SEC63: variants seen among roughly 807,000 people sequenced by gnomAD.
SEC63 encodes the protein translocation protein SEC63 homolog.
A neutral mutation model predicts 116.2 loss-of-function variants in SEC63; 56 were observed. The observed-to-expected ratio is 0.48, with a 90% CI of 0.39 to 0.60. The LOEUF (loss-of-function observed/expected upper bound fraction) is 0.60. SEC63 is among the 20% of genes least tolerant of loss of function. The pLI is 0.00. For missense variants in SEC63, 668 were observed against 900.0 expected (o/e 0.74, Z 3.30); for synonymous variants, 273 against 294.6 (o/e 0.93, Z 0.75).
At chr6:107,907,909 G>A (rs1418839193) in intron 8 of SEC63, among the ~76,000 whole-genome samples, 1 of 152,148 alleles carries the variant, frequency 6.6e-6, no homozygotes, top group African/African-American at 2.4e-5. Flanking sequence ...AAAAGAAACA[G>A]AAATCAAAAT....
intron 4 of SEC63, among the ~76,000 whole-genome samples, chr6:107,917,267 T>C (rs943454035): frequency 5.3e-5 from 8 of 152,246 alleles, no homozygotes; most frequent in Non-Finnish European, 1.0e-4. Flanking sequence ...GAAACAATGC[T>C]AATGACTGGT....
intron 12 of SEC63, among the ~76,000 whole-genome samples, chr6:107,902,413 GATTC>G (rs1221115687): frequency 1.3e-5 from 2 of 151,896 alleles, no homozygotes; most frequent in African/African-American, 4.8e-5. Context: ...TATATCTTAA[GATTC>G]ATTATCATGT....
chr6:107,951,755 A>G (rs2206191), intron 1 of SEC63, among the ~76,000 whole-genome samples: 148,361 of 151,884 alleles, frequency 0.98, 72,500 homozygotes, highest in African/African-American at 0.99. Context: ...AGGCTGAGGC[A>G]GGCGGATCAT....
Position 107,876,666 on chromosome 6 carries a change from G to GAAAAAAAAAAAAAAA in SEC63, c.1936-5_1936-4insTTTTTTTTTTTTTTT. 1 of 552,642 alleles carries GAAAAAAAAAAAAAAA rather than the reference G, an allele frequency of 1.8e-6. No individual in the cohort carries two copies. The highest frequency in any genetic ancestry group is 2.4e-6 in the Non-Finnish European group (1 of 413,440). 34.2% of individuals were successfully genotyped at this position (552,642 alleles called of 1,614,324 possible). ...GCCACCACCATTCTTGTTTTTCCTG[G>GAAAAAAAAAAAAAAA]AAACAAAAAAAAAAAAAAAAAAAGA... On this transcript the variant is annotated splice_region_variant and splice_polypyrimidine_tract_variant and intron_variant, in intron 18 of 20. Transcript: ENST00000369002.
chr6:107,951,845 C>A (rs910380524), intron 1 of SEC63, among the ~76,000 whole-genome samples: 1 of 151,888 alleles, frequency 6.6e-6, no homozygotes, highest in African/African-American at 2.4e-5. Context: ...TGGTGGTGGG[C>A]GCCTGTGGTC....
intron 1 of SEC63, among the ~76,000 whole-genome samples, chr6:107,952,574 A>G (rs1231829095): frequency 6.6e-6 from 1 of 152,048 alleles, no homozygotes; most frequent in Non-Finnish European, 1.5e-5. Flanking sequence ...CCTGGCCAAC[A>G]TGGTGAAACT....
At chr6:107,900,510 T>A (rs1447584043) in intron 13 of SEC63, among the ~76,000 whole-genome samples, 1 of 152,016 alleles carries the variant, frequency 6.6e-6, no homozygotes, top group East Asian at 1.9e-4. Flanking sequence ...TAGCCAGGTA[T>A]GGTAGTGTGC....
intron 13 of SEC63, among the ~76,000 whole-genome samples, chr6:107,898,718 A>G (rs1786924294): frequency 6.6e-6 from 1 of 152,204 alleles, no homozygotes; most frequent in Admixed American, 6.5e-5. Flanking sequence ...ATAAATAAAA[A>G]TAAAATAACT....
chr6:107,919,991 AT>A (rs774066267), intron 4 of SEC63, among the ~76,000 whole-genome samples: 4 of 152,168 alleles, frequency 2.6e-5, no homozygotes, highest in Admixed American at 1.3e-4. Context: ...AGTAACCACT[AT>A]CCTGATCAGT....
At chr6:107,877,330 T>C (rs1786303811) in intron 18 of SEC63, 1 of 152,212 alleles carries the variant, frequency 6.6e-6, no homozygotes, top group African/African-American at 2.4e-5. Context: ...TAGGATGTTC[T>C]AAATATTTAT....
At chr6:107,920,091 T>C (rs1330773830) in intron 4 of SEC63, among the ~76,000 whole-genome samples, 3 of 152,068 alleles carry the variant, frequency 2.0e-5, no homozygotes, top group East Asian at 3.9e-4. Context: ...TTTTTAGCCA[T>C]ACAGTATTTT....
intron 1 of SEC63, among the ~76,000 whole-genome samples, chr6:107,952,188 G>C (rs967451553): frequency 1.3e-5 from 2 of 152,108 alleles, no homozygotes; most frequent in Admixed American, 1.3e-4. Context: ...AGTACGCTTA[G>C]CTAAACATGT....
In SEC63 at chr6:107,911,174, C is replaced by T. The variant is rs779705046; in HGVS notation, c.624+172G>A. The T allele has an allele frequency of 5.7e-5, 36 of 627,100 alleles. 1 individual carries two copies. Among genetic ancestry groups the T allele is most frequent in the South Asian group, 2.7e-4 (14 of 51,932 alleles). 38.8% of individuals were successfully genotyped at this position (627,100 alleles called of 1,614,324 possible). On this transcript the variant is annotated intron_variant, in intron 7 of 20. Coordinates refer to ENST00000369002, the MANE Select transcript of SEC63 (RefSeq NM_007214.5). ...AGGTGGGGTCATGGCTCACCGCAAC[C>T]TCAAACACCTAGGCTCAAGCGATCC...
intron 10 of SEC63, 108 bp downstream of exon 10, chr6:107,906,340 G>A (rs898885098): frequency 1.7e-6 from 2 of 1,176,112 alleles, no homozygotes; most frequent in African/African-American, 3.0e-5. Context: ...CCAGCCTCAG[G>A]TATTTCTTTA....
intron 20 of SEC63, 127 bp downstream of exon 20, chr6:107,872,674 GTATATCA>G: frequency 1.6e-6 from 1 of 631,882 alleles, no homozygotes. Flanking sequence ...AGTCCATCAA[GTATATCA>G]TATATAAAGC....
At chr6:107,930,563 T>C (rs1010080507) in intron 1 of SEC63, among the ~76,000 whole-genome samples, 6 of 149,808 alleles carry the variant, frequency 4.0e-5, no homozygotes, top group Non-Finnish European at 8.9e-5. Context: ...GCCGAGATCA[T>C]GCCATTGCAC....
chr6:107,895,349 C>A (rs1404909150), intron 14 of SEC63, among the ~76,000 whole-genome samples: 2 of 152,136 alleles, frequency 1.3e-5, no homozygotes, highest in Non-Finnish European at 2.9e-5. Flanking sequence ...GAGTCCATGA[C>A]AAATGCTTCC....
At chr6:107,950,080 G>A (rs1019404996) in intron 1 of SEC63, among the ~76,000 whole-genome samples, 1 of 152,104 alleles carries the variant, frequency 6.6e-6, no homozygotes, top group Non-Finnish European at 1.5e-5. Flanking sequence ...ACAGATTGAA[G>A]GTGAAAGGAT....
chr6:107,933,173 A>C (rs930207816), intron 1 of SEC63, among the ~76,000 whole-genome samples: 1 of 152,168 alleles, frequency 6.6e-6, no homozygotes, highest in Non-Finnish European at 1.5e-5. Flanking sequence ...AAGCTAAAAA[A>C]ATACAGGCTA....
Sources: allele counts gnomAD v4.1 joint callset (sites outside exome capture counted in the v4.1 genomes callset), GRCh38; gene constraint gnomAD v4.1.1; transcripts MANE v1.5; gene names NCBI Gene and HGNC (gene_info 2026-07-23, HGNC 2026-07-21).